The following OCA2 variants were observed in gnomAD, a reference collection of about 807,000 sequenced individuals.
OCA2 encodes the protein P protein.
A neutral mutation model predicts 100.2 loss-of-function variants in OCA2; 77 were observed. That is an observed-to-expected ratio of 0.77 (90% CI 0.64 to 0.93). The LOEUF (loss-of-function observed/expected upper bound fraction) is 0.93. OCA2 is among the 40% of genes least tolerant of loss of function. The pLI is 0.00. For synonymous variants in OCA2, 432 were observed against 439.2 expected, an observed-to-expected ratio of 0.98 and a Z score of 0.21; for missense variants, 1,062 against 1,089.1, an observed-to-expected ratio of 0.98 and a Z score of 0.35.
intron 9 of OCA2, 21 bp downstream of exon 9, chr15:28,014,755 G>C (rs753276793): frequency 6.2e-7 from 1 of 1,609,492 alleles, no homozygotes; most frequent in East Asian, 2.2e-5. Flanking sequence ...GACAGATCGG[G>C]GGAGCAGGTG....
intron 19 of OCA2, among the ~76,000 whole-genome samples, chr15:27,914,118 A>G (rs994877052): frequency 4.6e-5 from 7 of 152,280 alleles, no homozygotes; most frequent in African/African-American, 1.7e-4. Flanking sequence ...CCACATAAAC[A>G]TAATTAAAAA....
rs185935368 is a variant in OCA2 at position 27,896,038 on chromosome 15, A to T, written c.2080-24116T>A. On this transcript the variant is annotated intron_variant, in intron 19 of 23. Transcript: ENST00000354638. ...AGGCTTCTCAATAGGTTTGGCATGG[A>T]AAAGATCTATGAAGGCCAAGTGGAG... The T allele has an allele frequency of 2.8e-4, 315 of 1,141,966 alleles. 1 individual carries two copies. Among genetic ancestry groups the T allele is most frequent in the Non-Finnish European group, 3.8e-4 (289 of 768,392 alleles). 70.7% of individuals were successfully genotyped at this position (1,141,966 alleles called of 1,614,324 possible).
chr15:27,955,231 A>C lies in OCA2; in HGVS notation c.1785-16T>G. 6.3e-7 allele frequency: 1 copy of C among 1,592,482 alleles called. No individual in the cohort carries two copies. The highest frequency in any genetic ancestry group is 8.6e-7 in the Non-Finnish European group (1 of 1,160,274). On this transcript the variant is annotated splice_polypyrimidine_tract_variant and intron_variant, in intron 16 of 23. Transcript: ENST00000354638. ...TGAGATCTGTCTAAAAGAGAAAAGAAGAGACTCATTACTTCCCTGGTCACG... is the reference window on the plus strand; with the variant it reads ...TGAGATCTGTCTAAAAGAGAAAAGACGAGACTCATTACTTCCCTGGTCACG...
chr15:27,802,411 A>G (rs2033654540), intron 23 of OCA2, among the ~76,000 whole-genome samples: 1 of 152,134 alleles, frequency 6.6e-6, no homozygotes, highest in Admixed American at 6.5e-5. Flanking sequence ...AGAAATCCCA[A>G]TAAAATCACA....
chr15:28,027,944 A>T lies in OCA2; in HGVS notation c.442T>A (p.Ser148Thr), dbSNP rs1366455690. Residue 148 changes from serine (S) to threonine (T), a missense_variant, in exon 4 of 24, where the codon TCT becomes ACT. Transcript: ENST00000354638. ...YLLSREVSGL[S>T]ASASSEKGDL... is the part of the protein sequence containing the mutation. ...CCCTTCTCGGAGGAGGCAGATGCAG[A>T]CAGACCAGACACCTCCCTGCTTAGC... is the stretch of plus-strand genomic sequence containing the variant. 4.3e-6 allele frequency: 7 copies of T among 1,614,204 alleles called. No individual in the cohort carries two copies. Among genetic ancestry groups the T allele is most frequent in the Non-Finnish European group, 5.9e-6 (7 of 1,180,038 alleles).
chr15:28,007,361 C>T (rs1361998170), intron 9 of OCA2, among the ~76,000 whole-genome samples: 2 of 152,124 alleles, frequency 1.3e-5, no homozygotes, highest in South Asian at 2.1e-4. Context: ...CTCCCAGAGC[C>T]GTATTATAGA....
At chr15:27,954,615 T>C (rs1300775350) in intron 17 of OCA2, among the ~76,000 whole-genome samples, 1 of 152,148 alleles carries the variant, frequency 6.6e-6, no homozygotes, top group African/African-American at 2.4e-5. Context: ...CTAGCAGATC[T>C]TGAGCAGAGC....
chr15:27,915,269 C>T (rs1236971048), intron 19 of OCA2, among the ~76,000 whole-genome samples: 1 of 152,038 alleles, frequency 6.6e-6, no homozygotes, highest in East Asian at 1.9e-4. Flanking sequence ...AGACAAAAAC[C>T]TAGGACGTAC....
At chr15:27,931,660 AC>A (rs1450472456) in intron 18 of OCA2, among the ~76,000 whole-genome samples, 16 of 152,314 alleles carry the variant, frequency 1.1e-4, no homozygotes, top group African/African-American at 2.6e-4. Context: ...AAAAAAAAAA[AC>A]AAAAATGATC....
At chr15:28,022,060 G>T (rs1166753286) in intron 6 of OCA2, among the ~76,000 whole-genome samples, 2 of 152,226 alleles carry the variant, frequency 1.3e-5, no homozygotes, top group African/African-American at 4.8e-5. Flanking sequence ...TACAGGATGT[G>T]TATGACTTCT....
downstream of OCA2, among the ~76,000 whole-genome samples, chr15:27,752,350 A>G (rs1433133992): frequency 6.6e-6 from 1 of 152,234 alleles, no homozygotes. Context: ...GTCTTTTTCC[A>G]TCATAACGAC....
chr15:27,757,689 C>T (rs1357123405), intron 23 of OCA2, among the ~76,000 whole-genome samples: 1 of 152,164 alleles, frequency 6.6e-6, no homozygotes, highest in African/African-American at 2.4e-5. Context: ...ATAACAGTAC[C>T]TAAGAGAGCT....
intron 21 of OCA2, among the ~76,000 whole-genome samples, chr15:27,856,640 C>T (rs1275445805): frequency 1.3e-5 from 2 of 151,846 alleles, no homozygotes; most frequent in East Asian, 1.9e-4. Context: ...GATGGAACAG[C>T]TTCCAGGGAA....
intron 23 of OCA2, among the ~76,000 whole-genome samples, chr15:27,768,536 A>C (rs1351891572): frequency 1.3e-5 from 2 of 152,188 alleles, no homozygotes. Context: ...CTCGGTAACA[A>C]CTTAGGAAGT....
At chr15:27,848,605 G>A (rs574996197) in intron 22 of OCA2, among the ~76,000 whole-genome samples, 1 of 152,320 alleles carries the variant, frequency 6.6e-6, no homozygotes, top group South Asian at 2.1e-4. Flanking sequence ...GGATCCAGAG[G>A]CAGAACAAGG....
chr15:27,872,777 C>A (rs1383346879), intron 19 of OCA2, among the ~76,000 whole-genome samples: 1 of 151,842 alleles, frequency 6.6e-6, no homozygotes, highest in African/African-American at 2.4e-5. Flanking sequence ...GCAACCTCCA[C>A]CTCCCGGGTT....
In OCA2 at chr15:28,043,589, G is replaced by C. The variant is rs2043266294; in HGVS notation, c.228-11426C>G. Among the ~76,000 whole-genome samples, 1 of 152,160 alleles carries C rather than the reference G, an allele frequency of 6.6e-6. No homozygotes were observed. Among genetic ancestry groups the C allele is most frequent in the South Asian group, 2.1e-4 (1 of 4,820 alleles). On this transcript the variant is annotated intron_variant, in intron 2 of 23. Coordinates refer to ENST00000354638, the MANE Select transcript of OCA2 (RefSeq NM_000275.3). This position sits in a 1 kb window ranked among gnomAD's most constrained non-coding sequence, Gnocchi z 4.4. ...ATGGAACATGAAAGACTCCTGTTTAGAGAACCACTGCCATGTAATTAAGCA... is the reference window on the plus strand; with the variant it reads ...ATGGAACATGAAAGACTCCTGTTTACAGAACCACTGCCATGTAATTAAGCA...
the OCA2 span, among the ~76,000 whole-genome samples, chr15:27,738,885 ATGTT>A: frequency 2.0e-5 from 3 of 152,322 alleles, no homozygotes; most frequent in South Asian, 6.2e-4. Flanking sequence ...ATCTACACAA[ATGTT>A]TATTTAAAAA....
chr15:27,886,651 T>C (rs1343500849), intron 19 of OCA2, among the ~76,000 whole-genome samples: 1 of 152,088 alleles, frequency 6.6e-6, no homozygotes, highest in African/African-American at 2.4e-5. Context: ...TAACAGCAAA[T>C]ATTTTAAAGT....
Sources: allele counts gnomAD v4.1 joint callset (sites outside exome capture counted in the v4.1 genomes callset), GRCh38; gene constraint gnomAD v4.1.1; non-coding constraint Gnocchi (gnomAD v3.1); transcripts MANE v1.5; gene names NCBI Gene and HGNC (gene_info 2026-07-23, HGNC 2026-07-21).